Variants in GALNT13 observed in about 807,000 individuals in gnomAD.
GALNT13 encodes polypeptide N-acetylgalactosaminyltransferase 13.
Under a neutral mutation model 64.2 loss-of-function variants are expected in GALNT13, and 28 were observed. The observed-to-expected ratio is 0.44, with a 90% CI of 0.32 to 0.60. The LOEUF (loss-of-function observed/expected upper bound fraction) is 0.60. Ranked by LOEUF, GALNT13 falls within the 20% of genes least tolerant of loss-of-function variation. The pLI is 0.05. For synonymous variants in GALNT13, 214 were observed against 224.6 expected, an observed-to-expected ratio of 0.95 and a Z score of 0.42; for missense variants, 577 against 669.8, an observed-to-expected ratio of 0.86 and a Z score of 1.53.
the GALNT13 span, among the ~76,000 whole-genome samples, chr2:153,854,079 A>G: frequency 6.6e-6 from 1 of 151,858 alleles, no homozygotes; most frequent in Non-Finnish European, 1.5e-5. Flanking sequence ...TAACTATAAA[A>G]TGTAAGCGTT....
the GALNT13 span, among the ~76,000 whole-genome samples, chr2:153,164,967 T>C: frequency 1.4e-4 from 21 of 152,226 alleles, no homozygotes; most frequent in Admixed American, 1.4e-3. Flanking sequence ...TTCAAAACTT[T>C]TGATCTGTGA....
the GALNT13 span, among the ~76,000 whole-genome samples, chr2:153,804,645 T>C: frequency 6.6e-6 from 1 of 152,188 alleles, no homozygotes; most frequent in East Asian, 1.9e-4. Context: ...TTTAACTATT[T>C]TTTTTCTTTG....
At chr2:153,483,389 G>A in the GALNT13 span, among the ~76,000 whole-genome samples, 8 of 146,982 alleles carry the variant, frequency 5.4e-5, no homozygotes, top group Middle Eastern at 3.3e-3. Flanking sequence ...ATATTATTCC[G>A]CCTTAAAAAG....
chr2:154,436,755 AAAG>A (rs1433399752), intron 11 of GALNT13: 2 of 152,236 alleles, frequency 1.3e-5, no homozygotes, highest in African/African-American at 4.8e-5. Context: ...ATGAAAAAGT[AAAG>A]AACCTAGAAA....
At chr2:154,334,377 T>TAAA (rs1438488704) in intron 9 of GALNT13, among the ~76,000 whole-genome samples, 1 of 146,138 alleles carries the variant, frequency 6.8e-6, no homozygotes, top group Non-Finnish European at 1.5e-5. Context: ...ATAACTCATT[T>TAAA]ATATCTATGA....
intron 11 of GALNT13, among the ~76,000 whole-genome samples, chr2:154,426,564 G>C (rs1271835514): frequency 1.3e-5 from 2 of 152,112 alleles, no homozygotes; most frequent in African/African-American, 4.8e-5. Context: ...TATTTTGGAA[G>C]GGATTCCCAA....
chr2:154,146,887 A>C (rs1233468405), intron 4 of GALNT13, among the ~76,000 whole-genome samples: 3 of 152,094 alleles, frequency 2.0e-5, no homozygotes, highest in Non-Finnish European at 4.4e-5. Context: ...AACGTCATAT[A>C]AACCCACTGA....
chr2:154,084,022 C>T (rs187955403), intron 3 of GALNT13, among the ~76,000 whole-genome samples: 24 of 151,882 alleles, frequency 1.6e-4, no homozygotes, highest in Admixed American at 1.3e-3. Context: ...TCTTGGGCTC[C>T]GTATCCACAT....
In GALNT13 at chr2:154,232,614, C is replaced by T. The variant is rs538754579; in HGVS notation, c.312-9416C>T. Among the ~76,000 whole-genome samples the T allele has an allele frequency of 3.9e-5, 6 of 152,242 alleles. No homozygotes were observed. The South Asian group carries it at 1.0e-3, about 26-fold the overall frequency. ...AAACACTATCTGAACTAGTAAAACA[C>T]TGTATCCCATCAGGAAATAACTTTT... is the stretch of plus-strand genomic sequence containing the variant. On this transcript the variant is annotated intron_variant, in intron 4 of 12. Coordinates refer to ENST00000392825, the MANE Select transcript of GALNT13 (RefSeq NM_052917.4).
chr2:153,410,128 T>C, the GALNT13 span, among the ~76,000 whole-genome samples: 1 of 152,172 alleles, frequency 6.6e-6, no homozygotes, highest in Non-Finnish European at 1.5e-5. Context: ...CTCTGTCACC[T>C]AGGCTGGGGT....
At chr2:153,206,917 C>T in the GALNT13 span, among the ~76,000 whole-genome samples, 1 of 151,928 alleles carries the variant, frequency 6.6e-6, no homozygotes, top group Non-Finnish European at 1.5e-5. Context: ...CAACTCACAG[C>T]CAATTCTTTT....
chr2:153,780,721 A>T, the GALNT13 span, among the ~76,000 whole-genome samples: 1 of 152,148 alleles, frequency 6.6e-6, no homozygotes, highest in African/African-American at 2.4e-5. Context: ...ATGCCCCCAA[A>T]TATATGATAT....
the GALNT13 span, among the ~76,000 whole-genome samples, chr2:153,620,740 T>C: frequency 6.6e-6 from 1 of 152,070 alleles, no homozygotes; most frequent in Non-Finnish European, 1.5e-5. Context: ...TATATCTCTG[T>C]TTCTCCTGGA....
At chr2:154,101,425 C>T (rs1702343673) in intron 3 of GALNT13, among the ~76,000 whole-genome samples, 1 of 151,848 alleles carries the variant, frequency 6.6e-6, no homozygotes, top group African/African-American at 2.4e-5. Context: ...TTTAAGTTTT[C>T]TAGTTTGTGC....
intron 9 of GALNT13, among the ~76,000 whole-genome samples, chr2:154,355,583 G>T (rs1437100411): frequency 6.6e-6 from 1 of 151,978 alleles, no homozygotes; most frequent in African/African-American, 2.4e-5. Flanking sequence ...TATAATAAAA[G>T]CTCATTGTAG....
At chr2:153,819,425 G>A in the GALNT13 span, among the ~76,000 whole-genome samples, 1 of 152,160 alleles carries the variant, frequency 6.6e-6, no homozygotes, top group Non-Finnish European at 1.5e-5. Flanking sequence ...CAAGGAAGGG[G>A]AACCAGTGCA....
At chr2:153,650,062 G>A in the GALNT13 span, among the ~76,000 whole-genome samples, 23 of 152,136 alleles carry the variant, frequency 1.5e-4, 1 homozygote, top group East Asian at 2.5e-3. Context: ...TTGAAAGTGG[G>A]GTGTTAAAGT....
At chr2:153,221,842 C>T in the GALNT13 span, among the ~76,000 whole-genome samples, 2 of 152,322 alleles carry the variant, frequency 1.3e-5, no homozygotes, top group Admixed American at 6.5e-5. Context: ...CTGCTGTGGG[C>T]ACCTGCATCT....
At chr2:153,107,204 G>C in the GALNT13 span, among the ~76,000 whole-genome samples, 1 of 152,110 alleles carries the variant, frequency 6.6e-6, no homozygotes, top group Non-Finnish European at 1.5e-5. Flanking sequence ...GGTCCTCGCT[G>C]TCAAGATTCA....
Sources: gnomAD v4.1 joint callset for allele counts (sites outside exome capture counted in the v4.1 genomes callset) on GRCh38, gnomAD v4.1.1 for gene constraint, MANE v1.5 for transcripts, NCBI Gene and HGNC (gene_info 2026-07-23, HGNC 2026-07-21) for gene names.